The following EYS variants were observed in gnomAD, a reference collection of about 807,000 sequenced individuals.
The protein encoded by EYS is EGF-like photoreceptor maintenance factor.
In EYS, 250 loss-of-function variants were observed where a neutral mutation model predicts 282.1. That is an observed-to-expected ratio of 0.89 (90% CI 0.80 to 0.98). The LOEUF is 0.98. Ranked by LOEUF, EYS falls within the 50% of genes least tolerant of loss-of-function variation. EYS has a pLI of 0.00. For missense variants in EYS, 4,016 were observed against 3,709.0 expected, an observed-to-expected ratio of 1.08 and a Z score of -2.15; for synonymous variants, 1,355 against 1,282.9, an observed-to-expected ratio of 1.06 and a Z score of -1.20.
chr6:65,382,142 A>G (rs1765634545), intron 8 of EYS, among the ~76,000 whole-genome samples: 1 of 151,058 alleles, frequency 6.6e-6, no homozygotes, highest in South Asian at 2.1e-4. Flanking sequence ...AGTTCAATAA[A>G]CCAATTAATT....
intron 22 of EYS, among the ~76,000 whole-genome samples, chr6:64,642,166 A>T (rs1768180537): frequency 2.0e-5 from 3 of 152,196 alleles, no homozygotes; most frequent in Non-Finnish European, 4.4e-5. Flanking sequence ...GGGGAAAAAA[A>T]TTAATCTGTA....
intron 5 of EYS, among the ~76,000 whole-genome samples, chr6:65,427,649 C>A (rs1767712842): frequency 6.6e-6 from 1 of 152,024 alleles, no homozygotes; most frequent in Non-Finnish European, 1.5e-5. Flanking sequence ...CAATTGCAGA[C>A]ATGCAACAGT....
At chr6:64,806,390 C>T (rs956453390) in intron 22 of EYS, among the ~76,000 whole-genome samples, 1 of 151,960 alleles carries the variant, frequency 6.6e-6, no homozygotes, top group Non-Finnish European at 1.5e-5. Context: ...AAAATAGCTT[C>T]TGTCCTTCCT....
At chr6:65,528,264 CAG>C (rs1767642215) in intron 2 of EYS, among the ~76,000 whole-genome samples, 1 of 152,092 alleles carries the variant, frequency 6.6e-6, no homozygotes, top group Admixed American at 6.6e-5. Context: ...AAGGGGAACA[CAG>C]AAAAAAATTT....
At chr6:65,220,188 C>A (rs758657672) in intron 12 of EYS, among the ~76,000 whole-genome samples, 3 of 151,774 alleles carry the variant, frequency 2.0e-5, no homozygotes, top group Non-Finnish European at 4.4e-5. Flanking sequence ...AGACTACTTG[C>A]GATTTTTAAT....
intron 29 of EYS, among the ~76,000 whole-genome samples, chr6:64,310,439 T>G (rs1248480119): frequency 6.6e-6 from 1 of 152,208 alleles, no homozygotes; most frequent in Non-Finnish European, 1.5e-5. Context: ...GGGACATGGA[T>G]GGAGCTGGAG....
At chr6:64,569,540 G>GA (rs1765657236) in intron 26 of EYS, among the ~76,000 whole-genome samples, 1 of 152,042 alleles carries the variant, frequency 6.6e-6, no homozygotes, top group Non-Finnish European at 1.5e-5. Flanking sequence ...AGGAGATCAA[G>GA]ACCATCCTGG....
chr6:65,425,494 GT>G lies in EYS; in HGVS notation c.863-20128del, dbSNP rs545430408. On this transcript the variant is annotated intron_variant, in intron 5 of 42. Transcript: ENST00000503581. ...AAGAGGCTGAGTAGGTAATTTAATT[GT>G]TTTTGCTTTTCATAATTGTTGGGGA... 3.3e-3 allele frequency among the ~76,000 whole-genome samples: 500 copies of G among 152,138 alleles called. 4 individuals are homozygous for G. The highest frequency in any genetic ancestry group is 0.011 in the African/African-American group (446 of 41,546).
At position 64,706,277 on chromosome 6, in the gene EYS, C is replaced by T. The variant is rs9342386; in HGVS notation, c.3444-80032G>A. The stretch of plus-strand genomic sequence containing the variant: ...ATAATTGGCAAGCCACACGTAGATG[C>T]GTGAAACTGGATCCTCATCTCTCAC... On this transcript the variant is annotated intron_variant, in intron 22 of 42. Coordinates refer to ENST00000503581, the MANE Select transcript of EYS (RefSeq NM_001142800.2). Among the ~76,000 whole-genome samples the T allele has an allele frequency of 7.5e-3, 1,137 of 152,028 alleles. 14 individuals are homozygous for T. The highest frequency in any genetic ancestry group is 0.026 in the African/African-American group (1,071 of 41,438).
intron 30 of EYS, among the ~76,000 whole-genome samples, chr6:64,269,432 C>CT (rs984526079): frequency 5.3e-5 from 8 of 151,712 alleles, no homozygotes; most frequent in Non-Finnish European, 7.4e-5. Context: ...AGTAATCAAT[C>CT]TTTTTTTTAA....
At chr6:64,686,957 A>G (rs1770172440) in intron 22 of EYS, among the ~76,000 whole-genome samples, 1 of 145,208 alleles carries the variant, frequency 6.9e-6, no homozygotes, top group African/African-American at 2.5e-5. Context: ...ATACATAGAT[A>G]TATAATTTTA....
chr6:65,677,162 G>C (rs569314436), intron 1 of EYS, among the ~76,000 whole-genome samples: 1 of 145,602 alleles, frequency 6.9e-6, no homozygotes, highest in South Asian at 2.1e-4. Flanking sequence ...CAGGGATAAG[G>C]CAAGAATGTG....
rs975590701 is a variant in EYS at position 64,266,371 on chromosome 6, C to T, written c.6192-35547G>A. Among the ~76,000 whole-genome samples the T allele has an allele frequency of 6.6e-5, 10 of 151,844 alleles. No individual in the cohort carries two copies. In the East Asian group the frequency reaches 1.9e-3, roughly 29 times the overall value. On this transcript the variant is annotated intron_variant, in intron 30 of 42. Transcript: ENST00000503581. The stretch of plus-strand genomic sequence containing the variant: ...TGTGGGAAAGCAAAACAATAGAGTG[C>T]TTAGCTTAAAAAAAAATCCCCAAAA...
intron 30 of EYS, among the ~76,000 whole-genome samples, chr6:64,282,790 A>G (rs1422690811): frequency 1.3e-5 from 2 of 152,204 alleles, no homozygotes; most frequent in Non-Finnish European, 2.9e-5. Context: ...CTCCACTAGC[A>G]TTCAATCCTC....
intron 22 of EYS, among the ~76,000 whole-genome samples, chr6:64,731,379 G>A (rs546286219): frequency 6.6e-6 from 1 of 152,214 alleles, no homozygotes; most frequent in Admixed American, 6.5e-5. Context: ...CAGTGAACGG[G>A]CAGCCTACAG....
At chr6:64,467,412 A>G (rs1775960205) in intron 26 of EYS, among the ~76,000 whole-genome samples, 1 of 152,202 alleles carries the variant, frequency 6.6e-6, no homozygotes, top group Non-Finnish European at 1.5e-5. Context: ...ATGATCTAGC[A>G]AGTCCAATTG....
At chr6:64,730,541 C>G (rs535372542) in intron 22 of EYS, among the ~76,000 whole-genome samples, 1 of 152,104 alleles carries the variant, frequency 6.6e-6, no homozygotes, top group Non-Finnish European at 1.5e-5. Context: ...TGCAGTGGCG[C>G]GATCTTGGCT....
At chr6:64,566,272 C>T (rs1765565097) in intron 26 of EYS, among the ~76,000 whole-genome samples, 1 of 152,018 alleles carries the variant, frequency 6.6e-6, no homozygotes, top group Non-Finnish European at 1.5e-5. Flanking sequence ...TTCTTGTATA[C>T]AGGAAAGAAA....
intron 33 of EYS, among the ~76,000 whole-genome samples, chr6:64,062,740 A>G (rs1771221789): frequency 6.6e-6 from 1 of 150,984 alleles, no homozygotes; most frequent in Non-Finnish European, 1.5e-5. Flanking sequence ...TCCCTTTTTC[A>G]TCAGTTTTCT....
Sources: gnomAD v4.1 joint callset for allele counts (sites outside exome capture counted in the v4.1 genomes callset) on GRCh38, gnomAD v4.1.1 for gene constraint, MANE v1.5 for transcripts, NCBI Gene and HGNC (gene_info 2026-07-23, HGNC 2026-07-21) for gene names.